The following AKT3 variants were observed in gnomAD, a reference collection of about 807,000 sequenced individuals.
AKT3 encodes the protein RAC-gamma serine/threonine-protein kinase.
In AKT3, 15 loss-of-function variants were observed where a neutral mutation model predicts 65.3. The ratio of observed to expected loss-of-function variants is 0.23; its 90% CI spans 0.15 to 0.35. The LOEUF (loss-of-function observed/expected upper bound fraction) is 0.35, where lower values mean the gene tolerates loss of function less well. Ranked by LOEUF, AKT3 falls within the 10% of genes least tolerant of loss-of-function variation. The pLI, the probability that AKT3 is intolerant of heterozygous loss-of-function variation, is 1.00. For missense variants in AKT3, 243 were observed against 576.5 expected (o/e 0.42, Z 5.92); for synonymous variants, 206 against 183.8 (o/e 1.12, Z -0.98).
chr1:243,811,563 G>C (rs1038945600), intron 2 of AKT3, among the ~76,000 whole-genome samples: 2 of 152,124 alleles, frequency 1.3e-5, no homozygotes, highest in Non-Finnish European at 2.9e-5. Flanking sequence ...TCATGGATAG[G>C]AAGAATCAAT....
intron 2 of AKT3, chr1:243,739,392 A>G (rs1572256561): frequency 6.6e-6 from 1 of 152,336 alleles, no homozygotes; most frequent in South Asian, 2.1e-4. Context: ...TAAATTTTCA[A>G]TAACTTATGT....
At chr1:243,831,460 AGG>A (rs1444780535) in intron 2 of AKT3, among the ~76,000 whole-genome samples, 2 of 145,698 alleles carry the variant, frequency 1.4e-5, no homozygotes, top group African/African-American at 5.7e-5. Context: ...AAAAAGACAG[AGG>A]GGAAAAAACA....
intron 2 of AKT3, among the ~76,000 whole-genome samples, chr1:243,737,357 A>T (rs921175229): frequency 6.6e-6 from 1 of 152,190 alleles, no homozygotes; most frequent in African/African-American, 2.4e-5. Flanking sequence ...CAGCTCAGTA[A>T]GGCATGGGTG....
At chr1:243,523,526 CA>C (rs1670858842) in intron 12 of AKT3, among the ~76,000 whole-genome samples, 2 of 152,092 alleles carry the variant, frequency 1.3e-5, no homozygotes, top group Admixed American at 1.3e-4. Flanking sequence ...TTTAAACTGA[CA>C]AAATATTCAC....
At chr1:243,620,555 C>T (rs972150962) in intron 6 of AKT3, among the ~76,000 whole-genome samples, 1 of 151,528 alleles carries the variant, frequency 6.6e-6, no homozygotes, top group Non-Finnish European at 1.5e-5. Context: ...AGACATGTCA[C>T]ACTTATCAAG....
chr1:243,608,239 C>T (rs143104202), intron 8 of AKT3, among the ~76,000 whole-genome samples: 2 of 152,260 alleles, frequency 1.3e-5, no homozygotes, highest in African/African-American at 4.8e-5. Context: ...TGCTATCCAT[C>T]ATTGACTTCA....
At chr1:243,535,583 GGT>G (rs1671869856) in intron 12 of AKT3, among the ~76,000 whole-genome samples, 1 of 152,104 alleles carries the variant, frequency 6.6e-6, no homozygotes, top group African/African-American at 2.4e-5. Flanking sequence ...GATATTCCAA[GGT>G]GTGTCTGTGT....
chr1:243,841,036 C>G (rs992732930), intron 2 of AKT3, among the ~76,000 whole-genome samples: 13 of 151,980 alleles, frequency 8.6e-5, no homozygotes, highest in African/African-American at 3.1e-4. Context: ...TCATTTTATA[C>G]CTTTGTGTGT....
chr1:243,546,321 CTAA>C (rs1231527717), intron 11 of AKT3, among the ~76,000 whole-genome samples: 2 of 151,792 alleles, frequency 1.3e-5, no homozygotes, highest in Non-Finnish European at 2.9e-5. Flanking sequence ...TGAAAATGGA[CTAA>C]TAATAGGTAA....
At chr1:243,616,702 C>T (rs562090122) in intron 6 of AKT3, among the ~76,000 whole-genome samples, 1 of 152,198 alleles carries the variant, frequency 6.6e-6, no homozygotes, top group African/African-American at 2.4e-5. Context: ...TATTTGTTAT[C>T]TTTATAAAAA....
intron 3 of AKT3, among the ~76,000 whole-genome samples, chr1:243,693,864 C>T (rs1239528997): frequency 1.3e-5 from 2 of 152,158 alleles, no homozygotes; most frequent in Non-Finnish European, 2.9e-5. Flanking sequence ...AGCCAACCTA[C>T]AACTTACTTG....
intron 2 of AKT3, among the ~76,000 whole-genome samples, chr1:243,833,410 C>G (rs1212069020): frequency 6.6e-6 from 1 of 151,732 alleles, no homozygotes; most frequent in Admixed American, 6.6e-5. Context: ...CACAGGGCGG[C>G]AGGAAGGCCG....
At position 243,809,343 on chromosome 1, in the gene AKT3, C is replaced by G. The variant is rs145052445; in HGVS notation, c.46+33782G>C. On this transcript the variant is annotated intron_variant, in intron 2 of 13. Coordinates refer to ENST00000673466, the MANE Select transcript of AKT3 (RefSeq NM_005465.7). ...AATAAAGGGATGGAGGAAGATCTAC[C>G]AAGCAAATGGAAAACAAAAAAAAGG... is the stretch of plus-strand genomic sequence containing the variant. Among the ~76,000 whole-genome samples, 1,283 of 152,020 alleles carry G rather than the reference C, an allele frequency of 8.4e-3. 15 individuals carry two copies. The highest frequency in any genetic ancestry group is 0.03 in the African/African-American group (1,233 of 41,450).
intron 2 of AKT3, among the ~76,000 whole-genome samples, chr1:243,768,338 T>C (rs1689958875): frequency 6.6e-6 from 1 of 152,148 alleles, no homozygotes; most frequent in African/African-American, 2.4e-5. Context: ...TATTCTTACA[T>C]GTTTCCTCAT....
At chr1:243,544,490 T>C (rs985808418) in intron 12 of AKT3, among the ~76,000 whole-genome samples, 15 of 151,976 alleles carry the variant, frequency 9.9e-5, no homozygotes, top group African/African-American at 3.4e-4. Flanking sequence ...TGGTGGCTCA[T>C]GCCTGCAGTC....
chr1:243,769,362 T>G (rs1180671398), intron 2 of AKT3, among the ~76,000 whole-genome samples: 1 of 152,096 alleles, frequency 6.6e-6, no homozygotes, highest in Non-Finnish European at 1.5e-5. Flanking sequence ...AACTCTATGT[T>G]TTAAGTTTTT....
chr1:243,665,444 T>C (rs547447029), intron 3 of AKT3, among the ~76,000 whole-genome samples: 39 of 152,260 alleles, frequency 2.6e-4, no homozygotes, highest in Middle Eastern at 3.4e-3. Flanking sequence ...TTTTTGACAA[T>C]ATAAACTGCC....
At chr1:243,678,853 T>C (rs1050255223) in intron 3 of AKT3, among the ~76,000 whole-genome samples, 6 of 152,194 alleles carry the variant, frequency 3.9e-5, no homozygotes, top group African/African-American at 1.4e-4. Flanking sequence ...CACAGTCAAC[T>C]CTTGGAAAAT....
intron 2 of AKT3, among the ~76,000 whole-genome samples, chr1:243,755,440 C>T (rs963499406): frequency 1.3e-5 from 2 of 152,030 alleles, no homozygotes; most frequent in African/African-American, 4.8e-5. Flanking sequence ...GCAAACCCAC[C>T]TGAAGCACTG....
Sources: allele counts gnomAD v4.1 joint callset (sites outside exome capture counted in the v4.1 genomes callset), GRCh38; gene constraint gnomAD v4.1.1; transcripts MANE v1.5; gene names NCBI Gene and HGNC (gene_info 2026-07-23, HGNC 2026-07-21).